Variants in KIRREL3 observed in about 807,000 individuals in gnomAD.
The protein encoded by KIRREL3 is kin of IRRE-like protein 3.
Under a neutral mutation model 89.7 loss-of-function variants are expected in KIRREL3, and 36 were observed. The observed-to-expected ratio is 0.40, with a 90% CI of 0.31 to 0.53. The LOEUF is 0.53. Among genes scored for constraint, KIRREL3 ranks in the 20% least tolerant of loss-of-function variants. KIRREL3 has a pLI of 0.49. For missense variants in KIRREL3, 864 were observed against 1,056.6 expected (o/e 0.82, Z 2.53); for synonymous variants, 445 against 441.4 (o/e 1.01, Z -0.10).
At position 126,890,858 on chromosome 11, in the gene KIRREL3, C is replaced by T. The variant is rs896877951; in HGVS notation, c.55+109597G>A. Among the ~76,000 whole-genome samples the T allele has an allele frequency of 6.6e-6, 1 of 152,222 alleles. No individual in the cohort carries two copies. Among genetic ancestry groups the T allele is most frequent in the South Asian group, 2.1e-4 (1 of 4,828 alleles). On this transcript the variant is annotated intron_variant, in intron 1 of 16. Coordinates refer to ENST00000525144, the MANE Select transcript of KIRREL3 (RefSeq NM_032531.4). The surrounding 1 kb of genome is among the most constrained non-coding windows in gnomAD (Gnocchi z 5.1). ...CTCAGCATTGTTTCAATAGGAGTCACATGATTTTCCAAAACACAATCCCTT... is the reference window on the plus strand; with the variant it reads ...CTCAGCATTGTTTCAATAGGAGTCATATGATTTTCCAAAACACAATCCCTT...
chr11:126,547,325 T>C (rs1183272911), intron 2 of KIRREL3, among the ~76,000 whole-genome samples: 1 of 152,256 alleles, frequency 6.6e-6, no homozygotes, highest in East Asian at 1.9e-4. Flanking sequence ...TTAGTGTCTC[T>C]GAGAAGTTCT....
At position 126,575,076 on chromosome 11, in the gene KIRREL3, T is replaced by G. The variant is rs1359513619; in HGVS notation, c.56-12164A>C. Among the ~76,000 whole-genome samples, 1 of 152,176 alleles carries G rather than the reference T, an allele frequency of 6.6e-6. No individual in the cohort carries two copies. Among genetic ancestry groups the G allele is most frequent in the Admixed American group, 6.5e-5 (1 of 15,282 alleles). ...TGGAGGAGGCCGGTGGCCCAGGGCC[T>G]GAACTGCAGGAGAATTTATACTTCT... is the stretch of plus-strand genomic sequence containing the variant. On this transcript the variant is annotated intron_variant, in intron 1 of 16. Transcript: ENST00000525144. The surrounding 1 kb of genome is among the most constrained non-coding windows in gnomAD (Gnocchi z 7.0).
At chr11:126,774,491 C>A (rs982318136) in intron 1 of KIRREL3, among the ~76,000 whole-genome samples, 1 of 152,168 alleles carries the variant, frequency 6.6e-6, no homozygotes, top group African/African-American at 2.4e-5. Context: ...CTTTGGTCAT[C>A]CACGCTCTGG....
intron 2 of KIRREL3, among the ~76,000 whole-genome samples, chr11:126,548,073 A>C (rs1375103673): frequency 6.6e-6 from 1 of 152,026 alleles, no homozygotes; most frequent in Non-Finnish European, 1.5e-5. Context: ...TGTCAGCTCC[A>C]TCTCTCTTCC....
intron 6 of KIRREL3, among the ~76,000 whole-genome samples, chr11:126,460,597 G>C (rs543403892): frequency 6.6e-6 from 1 of 152,166 alleles, no homozygotes; most frequent in Non-Finnish European, 1.5e-5. Flanking sequence ...TCATTCTGAC[G>C]CCTCCTAAGG....
At position 126,764,801 on chromosome 11, in the gene KIRREL3, C is replaced by T. The variant is rs1949770550; in HGVS notation, c.56-201889G>A. ...GGCCATATAAACGCGGCTATTTTCA[C>T]AGTCCAACTTCAGAACTCAGAGGGG... On this transcript the variant is annotated intron_variant, in intron 1 of 16. Coordinates refer to ENST00000525144, the MANE Select transcript of KIRREL3 (RefSeq NM_032531.4). This position sits in a 1 kb window ranked among gnomAD's most constrained non-coding sequence, Gnocchi z 4.2. Among the ~76,000 whole-genome samples the T allele has an allele frequency of 6.6e-6, 1 of 152,150 alleles. No homozygotes were observed. The highest frequency in any genetic ancestry group is 1.5e-5 in the Non-Finnish European group (1 of 68,022).
intron 2 of KIRREL3, among the ~76,000 whole-genome samples, chr11:126,529,328 G>A (rs1276816113): frequency 1.3e-5 from 2 of 152,212 alleles, no homozygotes; most frequent in Non-Finnish European, 2.9e-5. Context: ...ATCAGTTGAA[G>A]CAGGCCATGG....
chr11:126,939,059 C>T (rs1948325243), intron 1 of KIRREL3, among the ~76,000 whole-genome samples: 1 of 152,158 alleles, frequency 6.6e-6, no homozygotes, highest in Non-Finnish European at 1.5e-5. Context: ...ATAGTACGGA[C>T]CCGCAGTGAT....
At position 126,993,921 on chromosome 11, in the gene KIRREL3, A is replaced by C. The variant is rs1950108763; in HGVS notation, c.55+6534T>G. On this transcript the variant is annotated intron_variant, in intron 1 of 16. Coordinates refer to ENST00000525144, the MANE Select transcript of KIRREL3 (RefSeq NM_032531.4). The surrounding 1 kb of genome is among the most constrained non-coding windows in gnomAD (Gnocchi z 6.1). Reference sequence around the variant, plus strand: ...AAAAGAATCTGCATAAGTTAAAAAGAAACTTGCAACAACAATCCACTGAAT... The same window carrying C: ...AAAAGAATCTGCATAAGTTAAAAAGCAACTTGCAACAACAATCCACTGAAT... Among the ~76,000 whole-genome samples, 1 of 152,238 alleles carries C rather than the reference A, an allele frequency of 6.6e-6. No individual in the cohort carries two copies. The highest frequency in any genetic ancestry group is 1.5e-5 in the Non-Finnish European group (1 of 68,040).
Position 126,535,487 on chromosome 11 carries a change from A to G in KIRREL3, c.134-8800T>C, listed in dbSNP as rs921043188. On this transcript the variant is annotated intron_variant, in intron 2 of 16. Transcript: ENST00000525144. This position sits in a 1 kb window ranked among gnomAD's most constrained non-coding sequence, Gnocchi z 4.5. ...CCCTAATTATTTCCTGAGGGGGAAG[A>G]GTCATTTTGCCATGGAAGGCGCAGA... is the stretch of plus-strand genomic sequence containing the variant. 1.3e-5 allele frequency among the ~76,000 whole-genome samples: 2 copies of G among 152,098 alleles called. No homozygotes were observed. The highest frequency in any genetic ancestry group is 1.3e-4 in the Admixed American group (2 of 15,276).
intron 1 of KIRREL3, among the ~76,000 whole-genome samples, chr11:126,743,962 T>A (rs1242065625): frequency 6.6e-6 from 1 of 152,232 alleles, no homozygotes; most frequent in African/African-American, 2.4e-5. Context: ...GGGAGACTAC[T>A]ATATTTCTGC....
chr11:126,586,594 G>T (rs1591781353), intron 1 of KIRREL3, among the ~76,000 whole-genome samples: 1 of 152,208 alleles, frequency 6.6e-6, no homozygotes, highest in Admixed American at 6.5e-5. Context: ...AACTCGTTCA[G>T]GGCCATAAAT....
chr11:126,832,549 A>T (rs114123524), intron 1 of KIRREL3, among the ~76,000 whole-genome samples: 44 of 152,254 alleles, frequency 2.9e-4, no homozygotes, highest in African/African-American at 1.0e-3. Context: ...GTTCAAAACC[A>T]CTCAGAGCTA....
intron 1 of KIRREL3, among the ~76,000 whole-genome samples, chr11:126,933,868 GATGACA>G (rs1948061437): frequency 6.6e-6 from 1 of 151,098 alleles, no homozygotes; most frequent in Admixed American, 6.6e-5. Context: ...AAAATGTTAA[GATGACA>G]ATTCTTCCCA....
At chr11:126,493,848 C>T (rs1957591291) in intron 4 of KIRREL3, among the ~76,000 whole-genome samples, 1 of 151,978 alleles carries the variant, frequency 6.6e-6, no homozygotes, top group Admixed American at 6.6e-5. Context: ...TTCTCCCTTC[C>T]TTCAAGGCTG....
rs10561880 is a variant in KIRREL3 at position 126,998,916 on chromosome 11, A to AGTGTGTGT, written c.55+1531_55+1538dup. 9.4e-4 allele frequency among the ~76,000 whole-genome samples: 133 copies of AGTGTGTGT among 141,342 alleles called. 2 individuals are homozygous for AGTGTGTGT. In the East Asian group the frequency reaches 0.015, roughly 16 times the overall value. The allele number at this position is 141,342 out of a possible 152,430, so 92.7% of individuals were successfully genotyped here. On this transcript the variant is annotated intron_variant, in intron 1 of 16. Transcript: ENST00000525144. ...CTGGTAAGAAGCAAAGACGAATGGG[A>AGTGTGTGT]GTGTGTGTGTGTGTGTGTGTGTGTG...
At chr11:126,483,493 G>A (rs11828137) in intron 4 of KIRREL3, among the ~76,000 whole-genome samples, 13,480 of 152,200 alleles carry the variant, frequency 0.089, 1,960 homozygotes, top group African/African-American at 0.3. Flanking sequence ...GTCCCCTGCT[G>A]TTTGATTCAG....
In KIRREL3 at chr11:126,780,296, G is replaced by C. The variant is rs982074337; in HGVS notation, c.56-217384C>G. Among the ~76,000 whole-genome samples the C allele has an allele frequency of 8.5e-5, 13 of 152,346 alleles. No individual in the cohort carries two copies. In the East Asian group the frequency reaches 2.5e-3, roughly 29 times the overall value. ...AGCCTATCTTCTTCCGAGTCCACTA[G>C]AGAAGTGTGGCACAGGAGAGAGCCT... On this transcript the variant is annotated intron_variant, in intron 1 of 16. Transcript: ENST00000525144. This position sits in a 1 kb window ranked among gnomAD's most constrained non-coding sequence, Gnocchi z 5.3.
At chr11:126,480,608 C>A (rs555293187) in intron 4 of KIRREL3, among the ~76,000 whole-genome samples, 31 of 152,328 alleles carry the variant, frequency 2.0e-4, no homozygotes, top group African/African-American at 7.5e-4. Context: ...GCTGCAGCAG[C>A]CCTTCCACTA....
Sources: allele counts gnomAD v4.1 joint callset (sites outside exome capture counted in the v4.1 genomes callset), GRCh38; gene constraint gnomAD v4.1.1; non-coding constraint Gnocchi (gnomAD v3.1); transcripts MANE v1.5; gene names NCBI Gene and HGNC (gene_info 2026-07-23, HGNC 2026-07-21).